The following KCNJ3 variants were observed in gnomAD, a reference collection of about 807,000 sequenced individuals.
The protein encoded by KCNJ3 is potassium inwardly rectifying channel subfamily J member 3.
A neutral mutation model predicts 39.2 loss-of-function variants in KCNJ3; 4 were observed. That is an observed-to-expected ratio of 0.10 (90% CI 0.05 to 0.23). The LOEUF (loss-of-function observed/expected upper bound fraction) is 0.23. Among genes scored for constraint, KCNJ3 ranks in the 10% least tolerant of loss-of-function variants. The pLI is 1.00. For missense variants in KCNJ3, 276 were observed against 634.9 expected (o/e 0.43, Z 6.08); for synonymous variants, 230 against 237.4 (o/e 0.97, Z 0.29).
intron 2 of KCNJ3, among the ~76,000 whole-genome samples, chr2:154,745,219 T>C (rs1037839565): frequency 1.3e-5 from 2 of 152,054 alleles, no homozygotes; most frequent in South Asian, 4.1e-4. Flanking sequence ...GGAATGTTTT[T>C]TGTGAATTAG....
At chr2:154,737,719 C>T (rs1180118696) in intron 2 of KCNJ3, among the ~76,000 whole-genome samples, 1 of 152,076 alleles carries the variant, frequency 6.6e-6, no homozygotes, top group Admixed American at 6.6e-5. Flanking sequence ...GAAGGAAAGA[C>T]TGGTGAATTT....
chr2:154,792,971 A>G (rs1481962075), intron 2 of KCNJ3, among the ~76,000 whole-genome samples: 1 of 152,118 alleles, frequency 6.6e-6, no homozygotes, highest in African/African-American at 2.4e-5. Context: ...GTTTTATTTG[A>G]AAGAAAGGCC....
chr2:154,820,195 GATCCA>G (rs1266646231), intron 2 of KCNJ3, among the ~76,000 whole-genome samples: 2 of 151,932 alleles, frequency 1.3e-5, no homozygotes, highest in Non-Finnish European at 1.5e-5. Flanking sequence ...CTTCTTCCAG[GATCCA>G]ACCCAGGATC....
At chr2:154,853,245 G>GA (rs1423397441) in intron 2 of KCNJ3, among the ~76,000 whole-genome samples, 7 of 151,480 alleles carry the variant, frequency 4.6e-5, no homozygotes, top group South Asian at 2.1e-4. Context: ...AAACTGTCTT[G>GA]AAAAAACATA....
intron 2 of KCNJ3, among the ~76,000 whole-genome samples, chr2:154,746,631 T>G (rs1386022454): frequency 7.3e-6 from 1 of 136,630 alleles, no homozygotes; most frequent in African/African-American, 3.2e-5. Context: ...TATATATATA[T>G]GTATATATGT....
At chr2:154,819,036 G>A (rs1392243182) in intron 2 of KCNJ3, among the ~76,000 whole-genome samples, 1 of 147,108 alleles carries the variant, frequency 6.8e-6, no homozygotes, top group Non-Finnish European at 1.5e-5. Flanking sequence ...AGGCCAGAGT[G>A]TGTCTATAAT....
chr2:154,856,354 A>G lies in KCNJ3; in HGVS notation c.*1041A>G, dbSNP rs1326467919. The G allele has an allele frequency of 6.6e-6, 1 of 152,610 alleles. No homozygotes were observed. The highest frequency in any genetic ancestry group is 1.5e-5 in the Non-Finnish European group (1 of 68,014). 9.5% of individuals were successfully genotyped at this position (152,610 alleles called of 1,614,324 possible). A position where few individuals can be genotyped will look rare whatever the true frequency, so the allele number is the denominator to read the frequency against. ...CTGTTTCAAACTGAGTAAATTGGAA[A>G]CATTTTCTTTCTTTTTCTGGAAATT... On this transcript the variant is annotated 3_prime_UTR_variant, in exon 3 of 3. Coordinates refer to ENST00000295101, the MANE Select transcript of KCNJ3 (RefSeq NM_002239.4).
chr2:154,800,986 C>T (rs938145312), intron 2 of KCNJ3, among the ~76,000 whole-genome samples: 3 of 152,134 alleles, frequency 2.0e-5, no homozygotes, highest in Admixed American at 6.5e-5. Flanking sequence ...CATGTGACGT[C>T]GGGGAGACAT....
At chr2:154,782,546 G>A (rs112374328) in intron 2 of KCNJ3, among the ~76,000 whole-genome samples, 24 of 120,280 alleles carry the variant, frequency 2.0e-4, no homozygotes, top group Middle Eastern at 4.2e-3. Context: ...ACACATACAC[G>A]CAGGCTTTCA....
chr2:154,706,628 A>G (rs574953965), intron 1 of KCNJ3, among the ~76,000 whole-genome samples: 3 of 152,276 alleles, frequency 2.0e-5, no homozygotes, highest in African/African-American at 7.2e-5. Flanking sequence ...TTGAGATTTA[A>G]AACTAACTCA....
At chr2:154,771,142 C>T (rs769982601) in intron 2 of KCNJ3, among the ~76,000 whole-genome samples, 4 of 152,004 alleles carry the variant, frequency 2.6e-5, no homozygotes, top group South Asian at 4.1e-4. Flanking sequence ...CTGCCCGCCT[C>T]GGCCTCCCAG....
In KCNJ3 at chr2:154,710,150, A is replaced by G. The variant is rs534994294; in HGVS notation, c.919+331A>G. 5.9e-5 allele frequency among the ~76,000 whole-genome samples: 9 copies of G among 152,230 alleles called. 1 individual carries two copies. The highest frequency in any genetic ancestry group is 1.9e-4 in the African/African-American group (8 of 41,550). Reference sequence around the variant, plus strand: ...TTTTTCTTTAAAGATTTAAGGCTCAAAAAAGTAGGGTAATTATTGAGCAGC... The same window carrying G: ...TTTTTCTTTAAAGATTTAAGGCTCAGAAAAGTAGGGTAATTATTGAGCAGC... On this transcript the variant is annotated intron_variant, in intron 2 of 2. Coordinates refer to ENST00000295101, the MANE Select transcript of KCNJ3 (RefSeq NM_002239.4).
chr2:154,805,065 C>T (rs1230549630), intron 2 of KCNJ3, among the ~76,000 whole-genome samples: 2 of 151,984 alleles, frequency 1.3e-5, no homozygotes, highest in Middle Eastern at 3.4e-3. Flanking sequence ...GAAGAATGAA[C>T]AATTTTCCTA....
rs1687834336 is a variant in KCNJ3, at chr2:154,856,139, TGG to T, written c.*829_*830del. ...TATGATTTTTAAAAGTTGCTAGTAC[TGG>T]GGAGAAATAATTGTTGATTAATTTG... On this transcript the variant is annotated 3_prime_UTR_variant, in exon 3 of 3. Transcript: ENST00000295101. 6.6e-6 allele frequency: 1 copy of T among 152,570 alleles called. No individual in the cohort carries two copies. Among genetic ancestry groups the T allele is most frequent in the South Asian group, 2.1e-4 (1 of 4,830 alleles). 9.5% of individuals were successfully genotyped at this position (152,570 alleles called of 1,614,324 possible).
chr2:154,704,637 A>G (rs1375444567), intron 1 of KCNJ3, among the ~76,000 whole-genome samples: 2 of 152,126 alleles, frequency 1.3e-5, no homozygotes, highest in African/African-American at 4.8e-5. Flanking sequence ...TAAATGTACA[A>G]TGTAATTGTA....
intron 2 of KCNJ3, among the ~76,000 whole-genome samples, chr2:154,761,625 A>G (rs1574452201): frequency 6.6e-6 from 1 of 152,216 alleles, no homozygotes; most frequent in African/African-American, 2.4e-5. Context: ...GGAGACACAT[A>G]CATGTTGAAT....
intron 2 of KCNJ3, among the ~76,000 whole-genome samples, chr2:154,714,923 G>GA (rs1420916595): frequency 3.3e-5 from 5 of 152,210 alleles, no homozygotes; most frequent in Middle Eastern, 3.4e-3. Context: ...AGTGCTTTGG[G>GA]AAAAAAATGC....
intron 2 of KCNJ3, among the ~76,000 whole-genome samples, chr2:154,818,918 C>CTTTTTTTTTTTTTTTTTTTTT (rs57668487): frequency 1.9e-4 from 10 of 52,430 alleles, no homozygotes; most frequent in Admixed American, 3.7e-4. Flanking sequence ...CTGCAAAAGC[C>CTTTTTTTTTTTTTTTTTTTTT]TTTTTTTTTT....
chr2:154,821,635 A>ATTTTTTTTTTTTTTTTTTTTTTTTTT (rs71422263), intron 2 of KCNJ3, among the ~76,000 whole-genome samples: 1 of 88,070 alleles, frequency 1.1e-5, no homozygotes. Context: ...AGAATATGTG[A>ATTTTTTTTTTTTTTTTTTTTTTTTTT]TTTTTTTTTT....
Sources: gnomAD v4.1 joint callset for allele counts (sites outside exome capture counted in the v4.1 genomes callset) on GRCh38, gnomAD v4.1.1 for gene constraint, MANE v1.5 for transcripts, NCBI Gene and HGNC (gene_info 2026-07-23, HGNC 2026-07-21) for gene names.